Variants in CHD4 observed in about 807,000 individuals in gnomAD.
CHD4 encodes the protein chromodomain helicase DNA binding protein 4, also known as ATP-dependent chromatin remodeler CHD4.
A neutral mutation model predicts 235.5 loss-of-function variants in CHD4; 35 were observed. That is an observed-to-expected ratio of 0.15 (90% CI 0.11 to 0.20). The LOEUF is 0.20. Among genes scored for constraint, CHD4 ranks in the 10% least tolerant of loss-of-function variants. The pLI, the probability that CHD4 is intolerant of heterozygous loss-of-function variation, is 1.00. For synonymous variants in CHD4, 900 were observed against 850.2 expected (o/e 1.06, Z -1.02); for missense variants, 1,329 against 2,432.3 (o/e 0.55, Z 9.54).
chr12:6,592,496 T>C lies in CHD4; in HGVS notation c.2845A>G (p.Met949Val). 1.2e-6 allele frequency: 2 copies of C among 1,611,578 alleles called. No homozygotes were observed. Among genetic ancestry groups the C allele is most frequent in the Non-Finnish European group, 1.7e-6 (2 of 1,177,788 alleles). ...CGCCGCAACATGTGCGGCCCCAGCA[T>C]GTCATGCAGTTTTTTTATCTGGTCC... Reference protein sequence around the residue: ...KEDQIKKLHDMLGPHMLRRLK... With the variant: ...KEDQIKKLHDVLGPHMLRRLK... The change falls in exon 19 of 40, where the codon ATG becomes GTG. Residue 949 changes from methionine to valine, a missense_variant. Transcript: ENST00000544040.
At chr12:6,572,302 T>C (rs934543896) in intron 38 of CHD4, among the ~76,000 whole-genome samples, 6 of 151,508 alleles carry the variant, frequency 4.0e-5, no homozygotes, top group African/African-American at 1.5e-4. Context: ...GGCGCATGCC[T>C]GTAGTCCCAG....
At chr12:6,590,517 T>C (rs1244081509) in intron 22 of CHD4, among the ~76,000 whole-genome samples, 1 of 152,232 alleles carries the variant, frequency 6.6e-6, no homozygotes, top group Non-Finnish European at 1.5e-5. Context: ...AGTTTTTTTT[T>C]TTTAAACAAG....
At position 6,604,671 on chromosome 12, in the gene CHD4, GC is replaced by G. The variant is rs1393114458; in HGVS notation, c.100+1602del. ...GGGGACATCCTTCCATGCACATGGA[GC>G]CCCCCAAACTTCTCAGGCAAATAAT... On this transcript the variant is annotated intron_variant, in intron 2 of 39. Transcript: ENST00000544040. Among the ~76,000 whole-genome samples, 6 of 152,136 alleles carry G rather than the reference GC, an allele frequency of 3.9e-5. No homozygotes were observed. In the South Asian group the frequency reaches 1.2e-3, roughly 32 times the overall value.
rs771328245 is a variant in CHD4 at position 6,591,896 on chromosome 12, C to G, written c.3090+20G>C. On this transcript the variant is annotated intron_variant, in intron 20 of 39. Coordinates refer to ENST00000544040, the MANE Select transcript of CHD4 (RefSeq NM_001273.5). Reference sequence around the variant, plus strand: ...GGAGAAGACCCAACCCAGGGAGGAACAGGAGATGGCACTACATACCATTGC... The same window carrying G: ...GGAGAAGACCCAACCCAGGGAGGAAGAGGAGATGGCACTACATACCATTGC... 1 of 1,614,136 alleles carries G rather than the reference C, an allele frequency of 6.2e-7. No individual in the cohort carries two copies. Among genetic ancestry groups the G allele is most frequent in the South Asian group, 1.1e-5 (1 of 91,086 alleles).
intron 25 of CHD4, among the ~76,000 whole-genome samples, chr12:6,585,708 G>A (rs1410733025): frequency 3.3e-5 from 5 of 151,406 alleles, no homozygotes; most frequent in Admixed American, 3.3e-4. Context: ...AGAACTGCTT[G>A]AACCCGGGAG....
At chr12:6,577,038 G>C (rs1397731938) in intron 37 of CHD4, among the ~76,000 whole-genome samples, 1 of 151,956 alleles carries the variant, frequency 6.6e-6, no homozygotes, top group Non-Finnish European at 1.5e-5. Flanking sequence ...CCGACTTCAA[G>C]CGATTCTCCT....
At chr12:6,572,590 T>C (rs902093873) in intron 38 of CHD4, among the ~76,000 whole-genome samples, 1 of 152,106 alleles carries the variant, frequency 6.6e-6, no homozygotes, top group African/African-American at 2.4e-5. Flanking sequence ...CTCACTATGT[T>C]GCCCAGGCTG....
chr12:6,584,221 AGTCTTTGGGTACATATAT>A (rs1269185570), intron 25 of CHD4: 1 of 152,150 alleles, frequency 6.6e-6, no homozygotes, highest in African/African-American at 2.4e-5. Flanking sequence ...AGGAAAAAAA[AGTCTTTGGGTACATATAT>A]GTGAGTGTAC....
rs368719400 is a variant in CHD4, at chr12:6,578,928, A to T, written c.4910-11T>A. The T allele has an allele frequency of 3.8e-5, 62 of 1,612,994 alleles. No homozygotes were observed. Among genetic ancestry groups the T allele is most frequent in the Middle Eastern group, 3.3e-4 (2 of 6,080 alleles). On this transcript the variant is annotated splice_polypyrimidine_tract_variant and intron_variant, in intron 33 of 39. Coordinates refer to ENST00000544040, the MANE Select transcript of CHD4 (RefSeq NM_001273.5). ...CTACATCAGCAGCACCTAGGGGAAG[A>T]AATGTTATTGAGACTATACCTAAAG...
At chr12:6,581,547 G>A (rs1948189279) in intron 31 of CHD4, 102 bp downstream of exon 31, 6 of 1,566,050 alleles carry the variant, frequency 3.8e-6, no homozygotes, top group Non-Finnish European at 5.3e-6. Context: ...GAATTGCTGT[G>A]TGTCCTGCCA....
At chr12:6,571,332 A>C in intron 38 of CHD4, 1 of 318,984 alleles carries the variant, frequency 3.1e-6, no homozygotes, top group Non-Finnish European at 5.8e-6. Flanking sequence ...CTGTCTCCCC[A>C]CCTCCATTAT....
At position 6,606,442 on chromosome 12, in the gene CHD4, G is replaced by A. The variant is rs1048537679; in HGVS notation, c.-69C>T. ...CGGCGGCCTGAGGACCTCTACACTG[G>A]CCCGAGTCACTGTGCGGGGGAGGGG... On this transcript the variant is annotated 5_prime_UTR_variant, in exon 2 of 40. Transcript: ENST00000544040. The A allele has an allele frequency of 1.9e-5, 18 of 924,866 alleles. No homozygotes were observed. Among genetic ancestry groups the A allele is most frequent in the Non-Finnish European group, 2.8e-5 (17 of 610,114 alleles). The allele number at this position is 924,866 out of a possible 1,614,324, so 57.3% of individuals were successfully genotyped here.
chr12:6,602,520 G>A, intron 2 of CHD4, 23 bp from the exon 3 acceptor site: 1 of 1,608,650 alleles, frequency 6.2e-7, no homozygotes, highest in South Asian at 1.1e-5. Context: ...GGCAAAGAGT[G>A]GTAGGCAGGG....
chr12:6,578,267 T>C, intron 35 of CHD4, 130 bp from the exon 36 acceptor site: 1 of 1,365,754 alleles, frequency 7.3e-7, no homozygotes, highest in Non-Finnish European at 1.0e-6. Context: ...GCTTCTGGCT[T>C]TCTCCACAGA....
intron 29 of CHD4, 80 bp downstream of exon 29, chr12:6,582,535 C>G: frequency 7.9e-6 from 12 of 1,522,078 alleles, no homozygotes; most frequent in Middle Eastern, 3.7e-4. Flanking sequence ...CCCTGCACGG[C>G]TAGGCCTAGA....
At chr12:6,583,435 C>A in intron 25 of CHD4, 57 bp from the exon 26 acceptor site, 3 of 1,457,828 alleles carry the variant, frequency 2.1e-6, no homozygotes, top group Non-Finnish European at 2.8e-6. Context: ...CACCAGCTAC[C>A]CCTGGTCCTC....
In CHD4 at chr12:6,591,481, T is replaced by C; in HGVS notation, c.3325A>G (p.Ile1109Val). Reference protein sequence around the residue: ...GITGNMRQEAIDRFNAPGAQQ... With the variant: ...GITGNMRQEAVDRFNAPGAQQ... The stretch of plus-strand genomic sequence containing the variant: ...TCTCTCTCACCATTGAAGCGGTCAA[T>C]GGCCTCTTGCCGCATGTTCCCAGTG... The change falls in exon 22 of 40, where the codon ATT becomes GTT. Residue 1109 changes from isoleucine to valine, a missense_variant. Ile to Val is a conservative substitution (Grantham distance 29, BLOSUM62 3). Transcript: ENST00000544040. 1 of 1,614,104 alleles carries C rather than the reference T, an allele frequency of 6.2e-7. No individual in the cohort carries two copies.
At position 6,578,844 on chromosome 12, in the gene CHD4, A is replaced by G; in HGVS notation, c.4981+2T>C. On this transcript the variant is annotated splice_donor_variant, in intron 34 of 39. Transcript: ENST00000544040. LOFTEE classifies it high-confidence loss of function. ...CCACAATCAACTTCTCCAAACACCC[A>G]CCTTTGTCTTCTACCACAATAGGGG... 6.2e-7 allele frequency: 1 copy of G among 1,613,826 alleles called. No homozygotes were observed. The highest frequency in any genetic ancestry group is 8.5e-7 in the Non-Finnish European group (1 of 1,179,864).
intron 33 of CHD4, chr12:6,580,318 C>A (rs1425344244): frequency 6.6e-6 from 1 of 152,144 alleles, no homozygotes; most frequent in Non-Finnish European, 1.5e-5. Flanking sequence ...ATCAAGGGTG[C>A]AGGATTCTTC....
Sources: gnomAD v4.1 joint callset for allele counts (sites outside exome capture counted in the v4.1 genomes callset) on GRCh38, gnomAD v4.1.1 for gene constraint, MANE v1.5 for transcripts, NCBI Gene and HGNC (gene_info 2026-07-23, HGNC 2026-07-21) for gene names.